Variants in DENND5B observed in about 807,000 individuals in gnomAD.
DENND5B encodes the protein DENN domain containing 5B.
In DENND5B, 34 loss-of-function variants were observed where a neutral mutation model predicts 140.6. The ratio of observed to expected loss-of-function variants is 0.24; its 90% CI spans 0.18 to 0.32. The LOEUF (loss-of-function observed/expected upper bound fraction) is 0.32. DENND5B is among the 10% of genes least tolerant of loss of function. The pLI is 1.00. For synonymous variants in DENND5B, 551 were observed against 562.1 expected, an observed-to-expected ratio of 0.98 and a Z score of 0.28; for missense variants, 1,142 against 1,560.2, an observed-to-expected ratio of 0.73 and a Z score of 4.52.
intron 2 of DENND5B, among the ~76,000 whole-genome samples, chr12:31,481,504 C>A (rs1565623812): frequency 6.6e-6 from 1 of 152,132 alleles, no homozygotes; most frequent in Admixed American, 6.5e-5. Context: ...AGTAGGAAGA[C>A]ACACATTAGA....
At chr12:31,588,595 A>G (rs560304446) in intron 1 of DENND5B, among the ~76,000 whole-genome samples, 1 of 152,226 alleles carries the variant, frequency 6.6e-6, no homozygotes, top group South Asian at 2.1e-4. Context: ...TAGAGATGAC[A>G]AAGTGTACAG....
At chr12:31,556,211 T>C (rs889677872) in intron 1 of DENND5B, among the ~76,000 whole-genome samples, 1 of 152,116 alleles carries the variant, frequency 6.6e-6, no homozygotes, top group African/African-American at 2.4e-5. Context: ...CCCCCCTTTT[T>C]TTTCTTTTTT....
intron 2 of DENND5B, among the ~76,000 whole-genome samples, chr12:31,490,249 G>C (rs777474077): frequency 1.3e-5 from 2 of 151,842 alleles, no homozygotes; most frequent in African/African-American, 2.4e-5. Flanking sequence ...GAGAGGATGG[G>C]GGTGGCGGGG....
At chr12:31,549,527 CTA>C (rs537717124) in intron 1 of DENND5B, among the ~76,000 whole-genome samples, 166 of 150,684 alleles carry the variant, frequency 1.1e-3, no homozygotes, top group African/African-American at 3.5e-3. Flanking sequence ...TTTAATGTGA[CTA>C]TTTTTTTTAA....
intron 19 of DENND5B, among the ~76,000 whole-genome samples, chr12:31,390,372 C>G (rs1941065105): frequency 6.6e-6 from 1 of 152,232 alleles, no homozygotes; most frequent in Non-Finnish European, 1.5e-5. Context: ...GGCATGGTGG[C>G]TCACGCCTGT....
rs113526304 is a variant in DENND5B at position 31,426,518 on chromosome 12, G to A, written c.2107-94C>T. ...AAACAAGTGCAGAGACAAATGAAAT[G>A]CAAAAAAGTCCGTAAGTGTATGTGC... On this transcript the variant is annotated intron_variant, in intron 8 of 20. Coordinates refer to ENST00000389082, the MANE Select transcript of DENND5B (RefSeq NM_144973.4). 1,478 of 1,406,606 alleles carry A rather than the reference G, an allele frequency of 1.1e-3. 13 individuals carry two copies. In the African/African-American group the frequency reaches 0.018, roughly 17 times the overall value. The allele number at this position is 1,406,606 out of a possible 1,614,324, so 87.1% of individuals were successfully genotyped here. A position where few individuals can be genotyped will look rare whatever the true frequency, so the allele number is the denominator to read the frequency against.
intron 13 of DENND5B, among the ~76,000 whole-genome samples, chr12:31,411,705 C>T (rs555402794): frequency 6.6e-6 from 1 of 152,222 alleles, no homozygotes; most frequent in East Asian, 1.9e-4. Context: ...GTCAGATTCA[C>T]AGGCTATATG....
chr12:31,413,436 T>G lies in DENND5B; in HGVS notation c.2681A>C (p.Lys894Thr), dbSNP rs1239184355. 6.2e-7 allele frequency: 1 copy of G among 1,611,432 alleles called. No homozygotes were observed. The highest frequency in any genetic ancestry group is 8.5e-7 in the Non-Finnish European group (1 of 1,178,408). ...KQLLSNQPLT[K>T]KLYKRYAFLR... is the part of the protein sequence containing the mutation. Reference sequence around the variant, plus strand: ...AAATGTATCAAAGATGGTATCTTACTTGGTGAGTGGTTGGTTAGAAAGCAA... The same window carrying G: ...AAATGTATCAAAGATGGTATCTTACGTGGTGAGTGGTTGGTTAGAAAGCAA... The change falls in exon 13 of 21, where the codon AAG becomes ACG. Residue 894 changes from lysine (K) to threonine (T), a missense_variant and splice_region_variant. Around this residue, in one of 5 missense-constraint regions of DENND5B, gnomAD observed 268 missense variants for 349.2 expected, o/e 0.77. Coordinates refer to ENST00000389082, the MANE Select transcript of DENND5B (RefSeq NM_144973.4).
At chr12:31,463,752 C>G (rs1364286258) in intron 3 of DENND5B, among the ~76,000 whole-genome samples, 1 of 152,188 alleles carries the variant, frequency 6.6e-6, no homozygotes, top group South Asian at 2.1e-4. Flanking sequence ...ACCTCCACTT[C>G]CTGGGTTCAA....
At chr12:31,542,044 T>C (rs545001898) in intron 1 of DENND5B, among the ~76,000 whole-genome samples, 29 of 152,140 alleles carry the variant, frequency 1.9e-4, no homozygotes, top group Non-Finnish European at 3.4e-4. Flanking sequence ...TCCCAGCACT[T>C]TGGGAGGCCA....
Position 31,392,248 on chromosome 12 carries a change from AC to A in DENND5B, c.3466+18del. Reference sequence around the variant, plus strand: ...AAGGCTTCAGTGACCTTAATGTAATACACATCTACTTTATTTACCTATGAAG... The same window carrying A: ...AAGGCTTCAGTGACCTTAATGTAATAACATCTACTTTATTTACCTATGAAG... On this transcript the variant is annotated intron_variant, in intron 19 of 20. Transcript: ENST00000389082. 4 of 1,613,542 alleles carry A rather than the reference AC, an allele frequency of 2.5e-6. No individual in the cohort carries two copies. The highest frequency in any genetic ancestry group is 3.4e-6 in the Non-Finnish European group (4 of 1,179,702).
At chr12:31,520,491 T>A (rs1393868230) in intron 1 of DENND5B, among the ~76,000 whole-genome samples, 2 of 152,176 alleles carry the variant, frequency 1.3e-5, no homozygotes, top group African/African-American at 4.8e-5. Context: ...CAAAGAAAGT[T>A]AATAGAAAGA....
intron 8 of DENND5B, among the ~76,000 whole-genome samples, chr12:31,426,938 A>C (rs1943263717): frequency 6.6e-6 from 1 of 152,160 alleles, no homozygotes; most frequent in African/African-American, 2.4e-5. Flanking sequence ...GGAGCTTTCG[A>C]ATCTGGTTGT....
intron 3 of DENND5B, among the ~76,000 whole-genome samples, chr12:31,469,153 G>A (rs1591851731): frequency 6.6e-6 from 1 of 152,054 alleles, no homozygotes; most frequent in Middle Eastern, 3.4e-3. Flanking sequence ...TGGCCAACGT[G>A]GTGTAACTTG....
chr12:31,416,739 G>A (rs1387595408), intron 11 of DENND5B, among the ~76,000 whole-genome samples: 7 of 151,384 alleles, frequency 4.6e-5, no homozygotes, highest in African/African-American at 1.7e-4. Context: ...GCTCACTCCT[G>A]TAATCCCAAC....
At chr12:31,527,053 G>C (rs1306096325) in intron 1 of DENND5B, among the ~76,000 whole-genome samples, 2 of 152,114 alleles carry the variant, frequency 1.3e-5, no homozygotes, top group Non-Finnish European at 2.9e-5. Context: ...GGGAAAACAG[G>C]CAATAAACAA....
intron 1 of DENND5B, among the ~76,000 whole-genome samples, chr12:31,544,847 A>T (rs1162899743): frequency 1.3e-5 from 2 of 152,214 alleles, no homozygotes; most frequent in Non-Finnish European, 2.9e-5. Flanking sequence ...AAGAATGTTG[A>T]ACCTGAATCT....
intron 1 of DENND5B, among the ~76,000 whole-genome samples, chr12:31,534,135 T>A (rs1255225212): frequency 6.6e-6 from 1 of 151,892 alleles, no homozygotes; most frequent in Non-Finnish European, 1.5e-5. Flanking sequence ...AAATAATCAG[T>A]TTCTGTTCAA....
chr12:31,499,716 A>C, intron 1 of DENND5B: 1 of 1,392,184 alleles, frequency 7.2e-7, no homozygotes, highest in Non-Finnish European at 9.3e-7. Flanking sequence ...AACAAATAAA[A>C]ACAAACAAAA....
Sources: gnomAD v4.1 joint callset for allele counts (sites outside exome capture counted in the v4.1 genomes callset) on GRCh38, gnomAD v4.1.1 for gene constraint, gnomAD v4.1.1 regional missense constraint, MANE v1.5 for transcripts, NCBI Gene and HGNC (gene_info 2026-07-23, HGNC 2026-07-21) for gene names.